Variants in DCLK1 observed in about 807,000 individuals in gnomAD.
DCLK1 encodes the protein doublecortin like kinase 1, also known as serine/threonine-protein kinase DCLK1.
A neutral mutation model predicts 86.2 loss-of-function variants in DCLK1; 16 were observed. The ratio of observed to expected loss-of-function variants is 0.19; its 90% CI spans 0.13 to 0.28. The LOEUF (loss-of-function observed/expected upper bound fraction) is 0.28, where lower values mean the gene tolerates loss of function less well. DCLK1 is among the 10% of genes least tolerant of loss of function. DCLK1 has a pLI of 1.00. For missense variants in DCLK1, 590 were observed against 940.2 expected (o/e 0.63, Z 4.87); for synonymous variants, 369 against 370.5 (o/e 1.00, Z 0.05).
intron 6 of DCLK1, among the ~76,000 whole-genome samples, chr13:35,852,307 C>T (rs890150652): frequency 9.2e-5 from 14 of 152,214 alleles, no homozygotes; most frequent in African/African-American, 2.9e-4. Context: ...GATGCAGTTG[C>T]CTATATGCCA....
At chr13:36,032,740 C>T (rs905094623) in intron 3 of DCLK1, among the ~76,000 whole-genome samples, 1 of 152,166 alleles carries the variant, frequency 6.6e-6, no homozygotes, top group Non-Finnish European at 1.5e-5. Flanking sequence ...GAGCGGCCGT[C>T]GATGCCCTGG....
intron 4 of DCLK1, 27 bp from the exon 5 acceptor site, chr13:35,871,367 C>G: frequency 6.4e-7 from 1 of 1,567,482 alleles, no homozygotes; most frequent in Non-Finnish European, 8.8e-7. Flanking sequence ...AACCACACAT[C>G]ATTATGGGGT....
chr13:35,972,112 C>T (rs1433922778), intron 3 of DCLK1, among the ~76,000 whole-genome samples: 3 of 152,138 alleles, frequency 2.0e-5, no homozygotes, highest in Admixed American at 1.3e-4. Flanking sequence ...CAACCATTTC[C>T]GTGGCTCAGC....
chr13:35,802,518 T>G (rs2086942712), intron 15 of DCLK1, among the ~76,000 whole-genome samples: 1 of 151,894 alleles, frequency 6.6e-6, no homozygotes, highest in Admixed American at 6.6e-5. Flanking sequence ...TAAGCTTTTA[T>G]TTTTTTTCTT....
In DCLK1 at chr13:35,998,802, G is replaced by A. The variant is rs569799566; in HGVS notation, c.724-51345C>T. Among the ~76,000 whole-genome samples the A allele has an allele frequency of 7.9e-5, 12 of 152,288 alleles. No individual in the cohort carries two copies. In the East Asian group the frequency reaches 2.3e-3, roughly 29 times the overall value. On this transcript the variant is annotated intron_variant, in intron 3 of 16. Transcript: ENST00000360631. ...GATGAGAACGTACAATGCAGAAAGA[G>A]TTTCAGTTAAAGCTGCAATTATTAC...
At chr13:36,102,451 C>T (rs1004385041) in intron 3 of DCLK1, among the ~76,000 whole-genome samples, 1 of 152,126 alleles carries the variant, frequency 6.6e-6, no homozygotes, top group Admixed American at 6.5e-5. Context: ...TGAGGGTAGT[C>T]GTGAATACAG....
intron 6 of DCLK1, among the ~76,000 whole-genome samples, chr13:35,853,733 C>T (rs368886659): frequency 3.7e-4 from 57 of 152,290 alleles, no homozygotes; most frequent in African/African-American, 1.3e-3. Flanking sequence ...TACATTCCCC[C>T]CACCTTGCGT....
intron 4 of DCLK1, among the ~76,000 whole-genome samples, chr13:35,914,625 A>G (rs74968799): frequency 0.053 from 7,959 of 150,638 alleles, 283 homozygotes; most frequent in Middle Eastern, 0.09. Flanking sequence ...CTGAGACACA[A>G]TGATCCCTTG....
intron 3 of DCLK1, among the ~76,000 whole-genome samples, chr13:36,063,318 C>A (rs17053385): frequency 6.6e-6 from 1 of 151,936 alleles, no homozygotes; most frequent in Non-Finnish European, 1.5e-5. Flanking sequence ...ATATTACAAG[C>A]GATGAAGACA....
intron 3 of DCLK1, among the ~76,000 whole-genome samples, chr13:35,985,394 A>ACAAC (rs200593682): frequency 6.6e-6 from 1 of 151,878 alleles, no homozygotes; most frequent in East Asian, 1.9e-4. Flanking sequence ...AAACAAACAA[A>ACAAC]AAAAAAAAAT....
At chr13:35,975,949 G>A (rs1403658977) in intron 3 of DCLK1, among the ~76,000 whole-genome samples, 1 of 152,170 alleles carries the variant, frequency 6.6e-6, no homozygotes, top group Non-Finnish European at 1.5e-5. Context: ...TAATGTGTCA[G>A]GGGACCACAT....
At chr13:35,996,998 C>T (rs572487632) in intron 3 of DCLK1, among the ~76,000 whole-genome samples, 48 of 152,286 alleles carry the variant, frequency 3.2e-4, no homozygotes, top group African/African-American at 1.1e-3. Context: ...TAACCACTTC[C>T]CTACATCTGC....
At chr13:35,812,018 A>G (rs923322078) in intron 11 of DCLK1, among the ~76,000 whole-genome samples, 13 of 152,212 alleles carry the variant, frequency 8.5e-5, no homozygotes, top group African/African-American at 2.9e-4. Context: ...GGAAAGATTT[A>G]TCAGGTGCAG....
chr13:35,930,645 C>T (rs751335336), intron 4 of DCLK1, among the ~76,000 whole-genome samples: 35 of 152,140 alleles, frequency 2.3e-4, no homozygotes, highest in South Asian at 8.3e-4. Flanking sequence ...AAAAACAAAG[C>T]AAAAACAAAA....
At chr13:35,798,762 T>C (rs2086861140) in intron 15 of DCLK1, among the ~76,000 whole-genome samples, 1 of 152,220 alleles carries the variant, frequency 6.6e-6, no homozygotes, top group South Asian at 2.1e-4. Context: ...ATTATTGCAG[T>C]GTCATTGGGC....
At chr13:35,921,828 G>A (rs547176624) in intron 4 of DCLK1, among the ~76,000 whole-genome samples, 11 of 152,272 alleles carry the variant, frequency 7.2e-5, no homozygotes, top group African/African-American at 2.6e-4. Flanking sequence ...CAGGTAAGGT[G>A]GGGAAAAGAC....
intron 3 of DCLK1, among the ~76,000 whole-genome samples, chr13:36,055,683 T>G (rs1212014212): frequency 1.3e-5 from 2 of 152,210 alleles, no homozygotes; most frequent in Admixed American, 6.5e-5. Context: ...TTTATCCCTT[T>G]ATGTTGACTG....
At chr13:36,101,155 G>A (rs762094185) in intron 3 of DCLK1, among the ~76,000 whole-genome samples, 6 of 152,174 alleles carry the variant, frequency 3.9e-5, no homozygotes, top group Admixed American at 1.3e-4. Context: ...TTTGTGCAGC[G>A]TATTGAGGGG....
chr13:35,848,854 A>G, intron 6 of DCLK1: 1 of 985,402 alleles, frequency 1.0e-6, no homozygotes, highest in South Asian at 4.7e-5. Context: ...CATTTTACAA[A>G]GACATAACTA....
Sources: allele counts gnomAD v4.1 joint callset (sites outside exome capture counted in the v4.1 genomes callset), GRCh38; gene constraint gnomAD v4.1.1; transcripts MANE v1.5; gene names NCBI Gene and HGNC (gene_info 2026-07-23, HGNC 2026-07-21).